Variants in CEP76 observed in about 807,000 individuals in gnomAD.
The protein encoded by CEP76 is centrosomal protein of 76 kDa.
In CEP76, 55 loss-of-function variants were observed where a neutral mutation model predicts 83.3. The observed-to-expected ratio is 0.66, with a 90% CI of 0.53 to 0.83. CEP76 has a LOEUF of 0.83. CEP76 is among the 40% of genes least tolerant of loss of function. The pLI is 0.00. For missense variants in CEP76, 694 were observed against 799.5 expected (o/e 0.87, Z 1.59); for synonymous variants, 270 against 274.5 (o/e 0.98, Z 0.16).
chr18:12,673,547 C>T (rs764026270), intron 11 of CEP76, 44 bp from the exon 12 acceptor site: 63 of 1,419,854 alleles, frequency 4.4e-5, no homozygotes, highest in Non-Finnish European at 5.6e-5. Flanking sequence ...AGTGACCATA[C>T]ACTTTAATTC....
intron 12 of CEP76, among the ~76,000 whole-genome samples, chr18:12,665,346 G>A (rs1053460390): frequency 5.3e-5 from 8 of 152,158 alleles, no homozygotes; most frequent in African/African-American, 1.9e-4. Flanking sequence ...AGGATTGCTT[G>A]AGCCCAGGAG....
intron 8 of CEP76, 43 bp from the exon 9 acceptor site, chr18:12,680,871 T>A: frequency 6.5e-7 from 1 of 1,529,188 alleles, no homozygotes; most frequent in Non-Finnish European, 8.9e-7. Context: ...TTCCATATTA[T>A]TTCCTCATTA....
chr18:12,664,237 C>T (rs35815040), intron 12 of CEP76, among the ~76,000 whole-genome samples: 11,300 of 152,100 alleles, frequency 0.074, 594 homozygotes, highest in Non-Finnish European at 0.11. Flanking sequence ...CACCACACCC[C>T]GCTAATTTTT....
chr18:12,668,529 T>C (rs1200968905), downstream of CEP76, among the ~76,000 whole-genome samples: 2 of 132,072 alleles, frequency 1.5e-5, no homozygotes, highest in East Asian at 2.3e-4. Context: ...ACCCAGGAGG[T>C]AGAGGTTGCA....
chr18:12,699,798 C>T (rs1283853154), intron 3 of CEP76, 32 bp downstream of exon 3: 2 of 1,239,094 alleles, frequency 1.6e-6, no homozygotes, highest in Non-Finnish European at 2.3e-6. Context: ...TTACTATTAA[C>T]CACAACTAAA....
At chr18:12,678,499 T>G (rs1298971542) in intron 9 of CEP76, 57 bp from the exon 10 acceptor site, 10 of 1,175,540 alleles carry the variant, frequency 8.5e-6, no homozygotes, top group African/African-American at 1.6e-5. Context: ...AGGCAGCATC[T>G]TACTGAGAAA....
At chr18:12,701,135 C>A in intron 1 of CEP76, 22 bp from the exon 2 acceptor site, 2 of 1,585,180 alleles carry the variant, frequency 1.3e-6, no homozygotes, top group Non-Finnish European at 1.7e-6. Flanking sequence ...ACTCATATTA[C>A]AATTTATAAC....
chr18:12,690,682 C>T (rs1388352765), intron 7 of CEP76, among the ~76,000 whole-genome samples: 2 of 151,944 alleles, frequency 1.3e-5, no homozygotes, highest in Non-Finnish European at 2.9e-5. Context: ...GTCTCGATCT[C>T]CTGACCTCTT....
At chr18:12,662,478 G>A (rs773037488) in intron 12 of CEP76, among the ~76,000 whole-genome samples, 6 of 152,124 alleles carry the variant, frequency 3.9e-5, no homozygotes, top group African/African-American at 9.7e-5. Context: ...CACAGAGAGC[G>A]AGAATAAAGT....
downstream of CEP76, among the ~76,000 whole-genome samples, chr18:12,671,345 G>T (rs918186871): frequency 3.9e-5 from 6 of 151,976 alleles, no homozygotes; most frequent in Non-Finnish European, 8.8e-5. Flanking sequence ...TTAATAACTT[G>T]GATAGCCAAC....
At chr18:12,694,722 C>CT (rs1279503136) in intron 6 of CEP76, among the ~76,000 whole-genome samples, 2 of 134,282 alleles carry the variant, frequency 1.5e-5, no homozygotes, top group Non-Finnish European at 3.3e-5. Context: ...TTTTTTTTTT[C>CT]TTTTTTTGAG....
At chr18:12,679,951 G>C (rs1322332426) in intron 9 of CEP76, among the ~76,000 whole-genome samples, 1 of 151,724 alleles carries the variant, frequency 6.6e-6, no homozygotes. Context: ...AGCTACGCAA[G>C]AGGCTGAGGT....
chr18:12,693,454 A>G (rs1008150642), intron 6 of CEP76, among the ~76,000 whole-genome samples: 1 of 152,030 alleles, frequency 6.6e-6, no homozygotes, highest in Admixed American at 6.6e-5. Context: ...AAAACAAGCT[A>G]CTACCCCAAA....
Position 12,699,108 on chromosome 18 carries a change from G to T in CEP76, c.391C>A (p.Gln131Lys). Residue 131 changes from glutamine (Q) to lysine (K), a missense_variant, in exon 4 of 12, where the codon CAA becomes AAA. Coordinates refer to ENST00000262127, the MANE Select transcript of CEP76 (RefSeq NM_024899.4). ...CATAAAGTAAACGTTGAACAAACTT[G>T]TCCAGGTAAAGGCTCAGGTTCTTGC... is the stretch of plus-strand genomic sequence containing the variant. ...HLQEPEPLPG[Q>K]VCSTFTLCLH... 3 of 1,614,070 alleles carry T rather than the reference G, an allele frequency of 1.9e-6. No homozygotes were observed. Among genetic ancestry groups the T allele is most frequent in the Non-Finnish European group, 2.5e-6 (3 of 1,179,968 alleles).
At chr18:12,696,121 ATTGT>A (rs1156407489) in intron 5 of CEP76, among the ~76,000 whole-genome samples, 1 of 152,172 alleles carries the variant, frequency 6.6e-6, no homozygotes, top group Non-Finnish European at 1.5e-5. Flanking sequence ...CAAATTGGGT[ATTGT>A]TTTTGAAAAT....
chr18:12,687,454 A>ATTTT (rs1259960536), intron 7 of CEP76, among the ~76,000 whole-genome samples: 4 of 140,730 alleles, frequency 2.8e-5, no homozygotes, highest in Admixed American at 7.2e-5. Context: ...GAAGGCATCA[A>ATTTT]TTTTTTTTTT....
chr18:12,691,313 A>C (rs1410307352), intron 7 of CEP76, 46 bp downstream of exon 7: 1 of 1,272,962 alleles, frequency 7.9e-7, no homozygotes, highest in African/African-American at 1.5e-5. Context: ...ACATAACAGT[A>C]AATCTCAAAT....
At chr18:12,680,075 G>GA (rs1008850564) in intron 9 of CEP76, among the ~76,000 whole-genome samples, 71 of 147,354 alleles carry the variant, frequency 4.8e-4, no homozygotes, top group Admixed American at 2.5e-3. Flanking sequence ...AGAGAAAACT[G>GA]AAAAAAAAAT....
intron 7 of CEP76, 106 bp from the exon 8 acceptor site, chr18:12,686,556 C>T (rs996205008): frequency 1.9e-5 from 15 of 809,796 alleles, no homozygotes; most frequent in East Asian, 2.6e-5. Context: ...TACCATTGAT[C>T]GAGTGCTTAC....
Sources: gnomAD v4.1 joint callset for allele counts (sites outside exome capture counted in the v4.1 genomes callset) on GRCh38, gnomAD v4.1.1 for gene constraint, MANE v1.5 for transcripts, NCBI Gene and HGNC (gene_info 2026-07-23, HGNC 2026-07-21) for gene names.